DYNC1I1: variants seen among roughly 807,000 people sequenced by gnomAD.
The protein encoded by DYNC1I1 is cytoplasmic dynein 1 intermediate chain 1.
In DYNC1I1, 43 loss-of-function variants were observed where a neutral mutation model predicts 86.6. The ratio of observed to expected loss-of-function variants is 0.50; its 90% confidence interval spans 0.39 to 0.64. The LOEUF (loss-of-function observed/expected upper bound fraction) is 0.64, where lower values mean the gene tolerates loss of function less well. DYNC1I1 is among the 30% of genes least tolerant of loss of function. The pLI is 0.00. For missense variants in DYNC1I1, 604 were observed against 788.8 expected, an observed-to-expected ratio of 0.77 and a Z score of 2.81; for synonymous variants, 262 against 283.7, an observed-to-expected ratio of 0.92 and a Z score of 0.77.
At chr7:95,824,405 G>A (rs79850142) in intron 4 of DYNC1I1, among the ~76,000 whole-genome samples, 10,201 of 152,140 alleles carry the variant, frequency 0.067, 459 homozygotes, top group Non-Finnish European at 0.096. Flanking sequence ...TTTTGAATAA[G>A]TAAATGAATG....
Position 96,080,493 on chromosome 7 carries a change from G to T in DYNC1I1, c.1776+5G>T. On this transcript the variant is annotated splice_donor_5th_base_variant and intron_variant, in intron 16 of 16. Transcript: ENST00000447467. ...TGGGTCTATGACGTTGGAGAGGTAC[G>T]TGTGTATTTGTGTTGTTGTTACTGT... is the stretch of plus-strand genomic sequence containing the variant. 6.2e-7 allele frequency: 1 copy of T among 1,614,130 alleles called. No homozygotes were observed. Among genetic ancestry groups the T allele is most frequent in the Non-Finnish European group, 8.5e-7 (1 of 1,180,008 alleles).
downstream of DYNC1I1, among the ~76,000 whole-genome samples, chr7:96,099,439 A>C (rs533810229): frequency 7.2e-5 from 11 of 152,292 alleles, no homozygotes; most frequent in Admixed American, 5.2e-4. Flanking sequence ...GGTTTCCAGG[A>C]TGTCTTAGTT....
intron 15 of DYNC1I1, among the ~76,000 whole-genome samples, chr7:96,077,463 A>AATC (rs1365396123): frequency 6.6e-6 from 1 of 152,208 alleles, no homozygotes; most frequent in Non-Finnish European, 1.5e-5. Flanking sequence ...CTTTGAAAAT[A>AATC]ATCAAAAGGC....
At chr7:95,881,417 G>A (rs1339645693) in intron 6 of DYNC1I1, among the ~76,000 whole-genome samples, 1 of 152,134 alleles carries the variant, frequency 6.6e-6, no homozygotes, top group East Asian at 1.9e-4. Context: ...TAAAGCCATA[G>A]CATGAAATAA....
At chr7:95,803,409 A>G (rs1329509006) in intron 1 of DYNC1I1, among the ~76,000 whole-genome samples, 2 of 152,356 alleles carry the variant, frequency 1.3e-5, no homozygotes, top group East Asian at 3.9e-4. Flanking sequence ...AAATGAAGAA[A>G]CAGTGTGATC....
rs528723036 is a variant in DYNC1I1 at position 95,929,511 on chromosome 7, G to A, written c.491-48001G>A. On this transcript the variant is annotated intron_variant, in intron 6 of 16. Transcript: ENST00000447467. ...GAAAGTATGCTGCTCATTAACAATT[G>A]TGCTGGGGTTGTTTGTTGTTGCTTG... is the stretch of plus-strand genomic sequence containing the variant. Among the ~76,000 whole-genome samples, 10 of 152,258 alleles carry A rather than the reference G, an allele frequency of 6.6e-5. No homozygotes were observed. The East Asian group carries it at 1.7e-3, about 26-fold the overall frequency.
intron 1 of DYNC1I1, among the ~76,000 whole-genome samples, chr7:95,797,252 C>A (rs576396155): frequency 2.0e-5 from 3 of 152,180 alleles, no homozygotes; most frequent in Non-Finnish European, 4.4e-5. Flanking sequence ...TTTACATGAA[C>A]AACTGACAAG....
chr7:96,058,264 T>C (rs1292631254), intron 14 of DYNC1I1, among the ~76,000 whole-genome samples: 3 of 152,236 alleles, frequency 2.0e-5, no homozygotes, highest in Non-Finnish European at 2.9e-5. Flanking sequence ...TAATGTGTTT[T>C]TAAATTCATG....
chr7:95,960,670 G>T (rs1012088974), intron 6 of DYNC1I1, among the ~76,000 whole-genome samples: 1 of 152,134 alleles, frequency 6.6e-6, no homozygotes, highest in Non-Finnish European at 1.5e-5. Flanking sequence ...CTTTCACTCG[G>T]TTGGCCTCAC....
At chr7:95,822,265 T>A (rs1283390395) in intron 4 of DYNC1I1, among the ~76,000 whole-genome samples, 4 of 152,218 alleles carry the variant, frequency 2.6e-5, no homozygotes, top group African/African-American at 9.6e-5. Context: ...TAAAAAGTAA[T>A]GAATTGGTAC....
intron 6 of DYNC1I1, among the ~76,000 whole-genome samples, chr7:95,977,022 T>A (rs1010251136): frequency 2.6e-5 from 4 of 152,220 alleles, no homozygotes; most frequent in African/African-American, 9.6e-5. Context: ...CCTTGGTTGT[T>A]TACTTGCCAA....
At position 96,097,803 on chromosome 7, in the gene DYNC1I1, A is replaced by G; in HGVS notation, c.*210A>G. ...AATTCACCACAGCATTTCTATCTTT[A>G]TATTTCTGTCTCAAAAATGAAGAGA... On this transcript the variant is annotated 3_prime_UTR_variant, in exon 17 of 17. Transcript: ENST00000447467. 1 of 1,288,998 alleles carries G rather than the reference A, an allele frequency of 7.8e-7. No homozygotes were observed. 79.8% of individuals were successfully genotyped at this position (1,288,998 alleles called of 1,614,324 possible).
Position 95,828,077 on chromosome 7 carries a change from A to G in DYNC1I1, c.335A>G (p.Asp112Gly). Residue 112 changes from aspartate (D) to glycine (G), a missense_variant, in exon 5 of 17, where the codon GAC (aspartate) becomes GGC (glycine). Physicochemically the swap from Asp to Gly is moderately conservative, Grantham distance 94 (BLOSUM62 -1). Coordinates refer to ENST00000447467, the MANE Select transcript of DYNC1I1 (RefSeq NM_001135556.2). ...ATTAGGACCCTGCAGTGGGACACAG[A>G]CCCCTCAGTGCTCCAGCTGCAGTCA... ...PLTRTLQWDTDPSVLQLQSDS... is the reference protein window; with the variant it reads ...PLTRTLQWDTGPSVLQLQSDS... 1.2e-6 allele frequency: 2 copies of G among 1,613,532 alleles called. No homozygotes were observed. The highest frequency in any genetic ancestry group is 1.7e-6 in the Non-Finnish European group (2 of 1,179,740).
chr7:96,103,009 G>C (rs1208622397), downstream of DYNC1I1, among the ~76,000 whole-genome samples: 1 of 152,124 alleles, frequency 6.6e-6, no homozygotes, highest in Non-Finnish European at 1.5e-5. Flanking sequence ...ACTGTGCATT[G>C]GGATGTACAG....
At chr7:95,817,942 A>C (rs1462584070) in intron 4 of DYNC1I1, among the ~76,000 whole-genome samples, 3 of 152,182 alleles carry the variant, frequency 2.0e-5, no homozygotes, top group African/African-American at 7.2e-5. Flanking sequence ...CTGGCCTGCA[A>C]AAATATAGGA....
At chr7:95,794,760 A>G (rs543252182) in intron 1 of DYNC1I1, among the ~76,000 whole-genome samples, 23 of 152,340 alleles carry the variant, frequency 1.5e-4, no homozygotes, top group African/African-American at 5.3e-4. Flanking sequence ...AGGACTAGAG[A>G]CAATATGTAG....
At chr7:95,968,825 T>TGA in intron 6 of DYNC1I1, among the ~76,000 whole-genome samples, 1 of 5,264 alleles carries the variant, frequency 1.9e-4, no homozygotes, top group East Asian at 1.4e-3. Context: ...TTTTTTGCTC[T>TGA]GTGTGTGTGT....
intron 6 of DYNC1I1, among the ~76,000 whole-genome samples, chr7:95,914,186 T>A (rs1382965389): frequency 6.6e-6 from 1 of 152,236 alleles, no homozygotes; most frequent in Admixed American, 6.5e-5. Flanking sequence ...TCATGAATCA[T>A]ATTACTATTT....
chr7:96,043,551 A>C (rs1789121191), intron 14 of DYNC1I1, among the ~76,000 whole-genome samples: 1 of 151,250 alleles, frequency 6.6e-6, no homozygotes, highest in South Asian at 2.1e-4. Context: ...AAAAAAAAAA[A>C]CAGAACAAAA....
Sources: allele counts gnomAD v4.1 joint callset (sites outside exome capture counted in the v4.1 genomes callset), GRCh38; gene constraint gnomAD v4.1.1; transcripts MANE v1.5; gene names NCBI Gene and HGNC (gene_info 2026-07-23, HGNC 2026-07-21).